RUNX1: variants seen among roughly 807,000 people sequenced by gnomAD.
RUNX1 encodes the protein RUNX family transcription factor 1, also known as runt-related transcription factor 1.
A neutral mutation model predicts 42.8 loss-of-function variants in RUNX1; 19 were observed. That is an observed-to-expected ratio of 0.44 (90% confidence interval 0.31 to 0.65). The LOEUF is 0.65. RUNX1 is among the 30% of genes least tolerant of loss of function. RUNX1 has a pLI of 0.07. For missense variants in RUNX1, 528 were observed against 672.0 expected, an observed-to-expected ratio of 0.79 and a Z score of 2.37; for synonymous variants, 271 against 289.4, an observed-to-expected ratio of 0.94 and a Z score of 0.64.
At chr21:34,824,577 C>T (rs1026255015) in intron 7 of RUNX1, among the ~76,000 whole-genome samples, 1 of 152,124 alleles carries the variant, frequency 6.6e-6, no homozygotes, top group African/African-American at 2.4e-5. Flanking sequence ...GCTTTGAAGG[C>T]AATTGTTCAA....
chr21:34,932,704 C>T (rs1360127553), intron 2 of RUNX1, among the ~76,000 whole-genome samples: 2 of 151,700 alleles, frequency 1.3e-5, no homozygotes, highest in Admixed American at 6.6e-5. Context: ...ATCCAAGTTG[C>T]CTTCCTTCTA....
At chr21:35,024,212 T>C (rs1163287779) in intron 2 of RUNX1, among the ~76,000 whole-genome samples, 1 of 152,006 alleles carries the variant, frequency 6.6e-6, no homozygotes, top group Non-Finnish European at 1.5e-5. Flanking sequence ...TTCCATATTC[T>C]CTCTTGCTGC....
At chr21:34,887,175 G>C in intron 3 of RUNX1, 79 bp from the exon 4 acceptor site, 1 of 1,431,398 alleles carries the variant, frequency 7.0e-7, no homozygotes, top group Non-Finnish European at 9.3e-7. Flanking sequence ...ACAGGGGCGC[G>C]GATCTTCAGC....
chr21:34,960,533 C>T (rs980911728), intron 2 of RUNX1, among the ~76,000 whole-genome samples: 3 of 152,198 alleles, frequency 2.0e-5, no homozygotes, highest in Non-Finnish European at 2.9e-5. Context: ...GTTGTTACAT[C>T]TGTCAGTGTT....
intron 2 of RUNX1, among the ~76,000 whole-genome samples, chr21:34,990,560 T>C (rs2058929095): frequency 6.6e-6 from 1 of 152,210 alleles, no homozygotes; most frequent in Non-Finnish European, 1.5e-5. Context: ...ATTATCCTGC[T>C]GCTGTTATAT....
At chr21:34,894,188 G>C (rs1313520832) in intron 2 of RUNX1, among the ~76,000 whole-genome samples, 2 of 152,148 alleles carry the variant, frequency 1.3e-5, no homozygotes, top group Non-Finnish European at 2.9e-5. Context: ...ATCCACAACG[G>C]TAAGACTGAC....
intron 6 of RUNX1, among the ~76,000 whole-genome samples, chr21:34,852,967 A>T (rs1569056251): frequency 6.6e-6 from 1 of 152,202 alleles, no homozygotes; most frequent in Non-Finnish European, 1.5e-5. Context: ...GCAAAGAGTG[A>T]CACATCTTTT....
chr21:34,970,321 C>A (rs1397836522), intron 2 of RUNX1, among the ~76,000 whole-genome samples: 2 of 152,208 alleles, frequency 1.3e-5, no homozygotes, highest in Non-Finnish European at 2.9e-5. Context: ...ACAGATGACT[C>A]CAACACCATT....
At chr21:34,822,183 A>T (rs1273151155) in intron 7 of RUNX1, among the ~76,000 whole-genome samples, 1 of 152,224 alleles carries the variant, frequency 6.6e-6, no homozygotes, top group Non-Finnish European at 1.5e-5. Flanking sequence ...CTTACATGAT[A>T]GATGAGGGAC....
Position 34,792,944 on chromosome 21 carries a change from C to G in RUNX1, c.968-334G>C, listed in dbSNP as rs1022877061. Reference sequence around the variant, plus strand: ...TCGGGGACCACTCAGGATGCCACCTCCTGAGAGGACGGAGACCACCCAGGA... The same window carrying G: ...TCGGGGACCACTCAGGATGCCACCTGCTGAGAGGACGGAGACCACCCAGGA... On this transcript the variant is annotated intron_variant, in intron 8 of 8. Transcript: ENST00000675419. This position sits in a 1 kb window ranked among gnomAD's most constrained non-coding sequence, Gnocchi z 6.9. Among the ~76,000 whole-genome samples, 1 of 150,720 alleles carries G rather than the reference C, an allele frequency of 6.6e-6. No individual in the cohort carries two copies. The highest frequency in any genetic ancestry group is 1.5e-5 in the Non-Finnish European group (1 of 67,590).
In RUNX1 at chr21:34,792,126, C is replaced by T. The variant is rs2145871420; in HGVS notation, c.*9G>A. 2 of 1,430,788 alleles carry T rather than the reference C, an allele frequency of 1.4e-6. No individual in the cohort carries two copies. Among genetic ancestry groups the T allele is most frequent in the East Asian group, 2.8e-5 (1 of 36,164 alleles). 88.6% of individuals were successfully genotyped at this position (1,430,788 alleles called of 1,614,324 possible). A position where few individuals can be genotyped will look rare whatever the true frequency, so the allele number is the denominator to read the frequency against. On this transcript the variant is annotated 3_prime_UTR_variant, in exon 9 of 9. Coordinates refer to ENST00000675419, the MANE Select transcript of RUNX1 (RefSeq NM_001754.5). This position sits in a 1 kb window ranked among gnomAD's most constrained non-coding sequence, Gnocchi z 6.9. ...GCCCGCGGGGCCCAGCCGGGCCAGG[C>T]CTGGCGCCTCAGTAGGGCCTCCACA...
intron 2 of RUNX1, among the ~76,000 whole-genome samples, chr21:34,976,461 T>C (rs1247332646): frequency 6.6e-6 from 1 of 152,222 alleles, no homozygotes; most frequent in Non-Finnish European, 1.5e-5. Context: ...GTCATTATAA[T>C]TGTAAGACTT....
chr21:34,923,178 C>T (rs574727602), intron 2 of RUNX1, among the ~76,000 whole-genome samples: 11 of 152,124 alleles, frequency 7.2e-5, no homozygotes, highest in Admixed American at 1.3e-4. Flanking sequence ...GCCGTTAGGA[C>T]GGGTGGCTGT....
intron 2 of RUNX1, among the ~76,000 whole-genome samples, chr21:34,990,372 G>C (rs2058927386): frequency 6.6e-6 from 1 of 152,208 alleles, no homozygotes; most frequent in Non-Finnish European, 1.5e-5. Flanking sequence ...GGGAAGAGCA[G>C]GAACCCCCAG....
chr21:35,024,913 T>A lies in RUNX1; in HGVS notation c.58+23929A>T, dbSNP rs993976606. 3.3e-5 allele frequency among the ~76,000 whole-genome samples: 5 copies of A among 152,218 alleles called. No individual in the cohort carries two copies. In the South Asian group the frequency reaches 1.0e-3, roughly 32 times the overall value. On this transcript the variant is annotated intron_variant, in intron 2 of 8. Transcript: ENST00000675419. ...AGAAACAGCCAGAAGGCATTTAAGA[T>A]CAAGACTGGTGACAAATAAGGTGAC...
At chr21:34,811,755 C>T (rs1277195441) in intron 7 of RUNX1, among the ~76,000 whole-genome samples, 1 of 152,158 alleles carries the variant, frequency 6.6e-6, no homozygotes, top group Non-Finnish European at 1.5e-5. Flanking sequence ...CAACTGGAGA[C>T]ATGCCATTCC....
chr21:34,901,375 T>C lies in RUNX1; in HGVS notation c.59-8412A>G, dbSNP rs1003208611. Among the ~76,000 whole-genome samples the C allele has an allele frequency of 2.0e-5, 3 of 151,996 alleles. No individual in the cohort carries two copies. The highest frequency in any genetic ancestry group is 2.9e-5 in the Non-Finnish European group (2 of 68,012). On this transcript the variant is annotated intron_variant, in intron 2 of 8. Transcript: ENST00000675419. This position sits in a 1 kb window ranked among gnomAD's most constrained non-coding sequence, Gnocchi z 4.3. ...AAATAAAAAAAGTAGCTGGGCGTGGTGGCGGCGCGTGCCTGTAGTCCCAGC... is the reference window on the plus strand; with the variant it reads ...AAATAAAAAAAGTAGCTGGGCGTGGCGGCGGCGCGTGCCTGTAGTCCCAGC...
intron 7 of RUNX1, among the ~76,000 whole-genome samples, chr21:34,830,931 C>A (rs558878960): frequency 6.6e-6 from 1 of 152,248 alleles, no homozygotes; most frequent in South Asian, 2.1e-4. Context: ...TTACTCCATC[C>A]TCATATTCCC....
rs554378365 is a variant in RUNX1, at chr21:34,843,182, A to T, written c.614-8581T>A. Among the ~76,000 whole-genome samples, 2 of 152,306 alleles carry T rather than the reference A, an allele frequency of 1.3e-5. No homozygotes were observed. On this transcript the variant is annotated intron_variant, in intron 6 of 8. Transcript: ENST00000675419. The surrounding 1 kb of genome is among the most constrained non-coding windows in gnomAD (Gnocchi z 4.8). ...CACAGGCATGCATGTAAACACATAC[A>T]GACACACACATACACAGACACCTGG...
Sources: gnomAD v4.1 joint callset for allele counts (sites outside exome capture counted in the v4.1 genomes callset) on GRCh38, gnomAD v4.1.1 for gene constraint, Gnocchi (gnomAD v3.1) non-coding constraint, MANE v1.5 for transcripts, NCBI Gene and HGNC (gene_info 2026-07-23, HGNC 2026-07-21) for gene names.